NXPE3: variants seen among roughly 807,000 people sequenced by gnomAD.
NXPE3 encodes the protein NXPE family member 3.
In NXPE3, 26 loss-of-function variants were observed where a neutral mutation model predicts 46.1. The observed-to-expected ratio is 0.56, with a 90% CI of 0.41 to 0.78. The LOEUF is 0.78. NXPE3 is among the 30% of genes least tolerant of loss of function. The probability of loss-of-function intolerance (pLI) is 0.00; values close to 1 mark genes in which losing one functional copy is unlikely to be tolerated. For missense variants in NXPE3, 620 were observed against 686.0 expected, an observed-to-expected ratio of 0.90 and a Z score of 1.07; for synonymous variants, 272 against 257.9, an observed-to-expected ratio of 1.05 and a Z score of -0.52.
intron 4 of NXPE3, among the ~76,000 whole-genome samples, chr3:101,787,521 G>A (rs931301575): frequency 3.3e-5 from 5 of 152,196 alleles, no homozygotes; most frequent in Non-Finnish European, 5.9e-5. Flanking sequence ...GACCAGGCTG[G>A]TCTTGAACTC....
intron 6 of NXPE3, among the ~76,000 whole-genome samples, chr3:101,812,811 C>CAAAAAAAAAAA (rs57029374): frequency 3.4e-5 from 2 of 58,708 alleles, no homozygotes; most frequent in Admixed American, 2.9e-4. Context: ...GACTCCGTCT[C>CAAAAAAAAAAA]AAAAAAAAAA....
At chr3:101,810,818 T>G (rs1021129660) in intron 6 of NXPE3, among the ~76,000 whole-genome samples, 1 of 147,926 alleles carries the variant, frequency 6.8e-6, no homozygotes, top group Non-Finnish European at 1.5e-5. Context: ...TGAACTTTTT[T>G]TGTTGTTTTT....
intron 6 of NXPE3, among the ~76,000 whole-genome samples, chr3:101,812,039 C>T (rs939326259): frequency 2.0e-5 from 3 of 152,010 alleles, no homozygotes; most frequent in Admixed American, 1.3e-4. Context: ...ACCTGGCCTG[C>T]AGTAGTGAAA....
intron 7 of NXPE3, among the ~76,000 whole-genome samples, chr3:101,819,461 A>T (rs1942150885): frequency 6.6e-6 from 1 of 152,238 alleles, no homozygotes; most frequent in Non-Finnish European, 1.5e-5. Flanking sequence ...CTCATGATAG[A>T]GATGGAAGTT....
At chr3:101,796,071 A>G (rs1432446168) in intron 4 of NXPE3, among the ~76,000 whole-genome samples, 1 of 152,230 alleles carries the variant, frequency 6.6e-6, no homozygotes, top group African/African-American at 2.4e-5. Context: ...TGCAAGCATA[A>G]GCCTCCAGCA....
chr3:101,807,268 T>G, intron 6 of NXPE3, 142 bp downstream of exon 6: 1 of 629,204 alleles, frequency 1.6e-6, no homozygotes. Flanking sequence ...ACTGTTTGAT[T>G]AAAAAAATCA....
At chr3:101,789,660 A>G (rs1401191000) in intron 4 of NXPE3, among the ~76,000 whole-genome samples, 1 of 152,134 alleles carries the variant, frequency 6.6e-6, no homozygotes, top group African/African-American at 2.4e-5. Context: ...ATTACATTCT[A>G]ATTTCCCTTT....
At chr3:101,788,563 G>A (rs1940323940) in intron 4 of NXPE3, among the ~76,000 whole-genome samples, 1 of 152,148 alleles carries the variant, frequency 6.6e-6, no homozygotes, top group Non-Finnish European at 1.5e-5. Context: ...AAATTGTGAT[G>A]AAAACACATA....
chr3:101,790,685 C>T (rs761720250), intron 4 of NXPE3, among the ~76,000 whole-genome samples: 9 of 152,142 alleles, frequency 5.9e-5, no homozygotes, highest in Admixed American at 2.0e-4. Context: ...CTCTGTCTCG[C>T]GGGCTCAAGT....
chr3:101,802,478 A>G (rs1472482562), intron 5 of NXPE3, among the ~76,000 whole-genome samples: 5 of 151,878 alleles, frequency 3.3e-5, no homozygotes, highest in African/African-American at 1.2e-4. Context: ...AAATAATCCA[A>G]GAACAGGGCT....
intron 6 of NXPE3, among the ~76,000 whole-genome samples, chr3:101,813,447 C>T (rs530204395): frequency 2.0e-5 from 3 of 151,856 alleles, no homozygotes; most frequent in South Asian, 2.1e-4. Flanking sequence ...TTTTCTCTTT[C>T]GTTTTGTTCC....
At chr3:101,780,493 G>A (rs956732578) in intron 1 of NXPE3, among the ~76,000 whole-genome samples, 8 of 152,080 alleles carry the variant, frequency 5.3e-5, no homozygotes, top group Admixed American at 3.3e-4. Context: ...CAACTGAAAC[G>A]AATAACAGTC....
chr3:101,783,313 G>C (rs58909514), intron 3 of NXPE3, among the ~76,000 whole-genome samples: 1 of 152,126 alleles, frequency 6.6e-6, no homozygotes, highest in Non-Finnish European at 1.5e-5. Flanking sequence ...CGCCTGCCTC[G>C]GCCTCCCAAA....
In NXPE3 at chr3:101,801,327, C is replaced by T. The variant is rs377213862; in HGVS notation, c.186C>T (p.Tyr62=). ...SQVTGISRNP[Y]CGYDQQTLSS... Reference sequence around the variant, plus strand: ...TGACAGGAATTAGCCGAAATCCCTACTGTGGCTATGATCAGCAGACCCTGT... The same window carrying T: ...TGACAGGAATTAGCCGAAATCCCTATTGTGGCTATGATCAGCAGACCCTGT... Residue 62 remains tyrosine, a synonymous_variant, in exon 5 of 8, where the codon TAC becomes TAT. Coordinates refer to ENST00000273347, the MANE Select transcript of NXPE3 (RefSeq NM_145037.4). 1 of 1,614,230 alleles carries T rather than the reference C, an allele frequency of 6.2e-7. No homozygotes were observed. Among genetic ancestry groups the T allele is most frequent in the South Asian group, 1.1e-5 (1 of 91,092 alleles).
chr3:101,794,031 G>A (rs1018470145), intron 4 of NXPE3, among the ~76,000 whole-genome samples: 4 of 151,582 alleles, frequency 2.6e-5, no homozygotes, highest in Non-Finnish European at 5.9e-5. Flanking sequence ...CATCTCGTTT[G>A]TTTACTGTCT....
intron 6 of NXPE3, among the ~76,000 whole-genome samples, chr3:101,809,990 G>A (rs183271894): frequency 1.3e-3 from 196 of 152,212 alleles, no homozygotes; most frequent in African/African-American, 4.5e-3. Flanking sequence ...TTGTATTTAT[G>A]TATTAGCTAA....
intron 5 of NXPE3, among the ~76,000 whole-genome samples, chr3:101,803,384 T>C (rs1231552961): frequency 6.6e-6 from 1 of 152,210 alleles, no homozygotes; most frequent in East Asian, 1.9e-4. Context: ...CACTACTCAA[T>C]GTACAGTGTT....
In NXPE3 at chr3:101,827,436, A is replaced by T. The variant is rs988730692; in HGVS notation, c.*5482A>T. On this transcript the variant is annotated 3_prime_UTR_variant, in exon 8 of 8. Coordinates refer to ENST00000273347, the MANE Select transcript of NXPE3 (RefSeq NM_145037.4). ...TATGTCACAGATTTCTTGTCCTTTA[A>T]TTAGTCAGTGAAGGCACATGATTGC... 1 of 151,170 alleles carries T rather than the reference A, an allele frequency of 6.6e-6. No individual in the cohort carries two copies. Among genetic ancestry groups the T allele is most frequent in the Non-Finnish European group, 1.5e-5 (1 of 67,472 alleles). 9.4% of individuals were successfully genotyped at this position (151,170 alleles called of 1,614,324 possible).
In NXPE3 at chr3:101,795,379, G is replaced by A. The variant is rs531612242; in HGVS notation, c.94-5856G>A. ...TACTAAAAATACAAAAAAGCTGGGC[G>A]TGGTAGCGGGTGCCTATAATCCTAG... is the stretch of plus-strand genomic sequence containing the variant. On this transcript the variant is annotated intron_variant, in intron 4 of 7. Transcript: ENST00000273347. Among the ~76,000 whole-genome samples, 24 of 152,194 alleles carry A rather than the reference G, an allele frequency of 1.6e-4. No homozygotes were observed. In the South Asian group the frequency reaches 2.5e-3, roughly 16 times the overall value.
Sources: gnomAD v4.1 joint callset for allele counts (sites outside exome capture counted in the v4.1 genomes callset) on GRCh38, gnomAD v4.1.1 for gene constraint, MANE v1.5 for transcripts, NCBI Gene and HGNC (gene_info 2026-07-23, HGNC 2026-07-21) for gene names.